Variants in DGKB observed in about 807,000 individuals in gnomAD.
DGKB encodes the protein diacylglycerol kinase beta.
A neutral mutation model predicts 114.3 loss-of-function variants in DGKB; 67 were observed. The ratio of observed to expected loss-of-function variants is 0.59; its 90% CI spans 0.48 to 0.72. The LOEUF (loss-of-function observed/expected upper bound fraction) is 0.72, where lower values mean the gene tolerates loss of function less well. DGKB is among the 30% of genes least tolerant of loss of function. The pLI, the probability that DGKB is intolerant of heterozygous loss-of-function variation, is 0.00. For synonymous variants in DGKB, 398 were observed against 323.1 expected (o/e 1.23, Z -2.49); for missense variants, 907 against 975.2 (o/e 0.93, Z 0.93).
At chr7:14,327,232 A>C (rs1382477671) in intron 23 of DGKB, among the ~76,000 whole-genome samples, 2 of 152,140 alleles carry the variant, frequency 1.3e-5, no homozygotes, top group Non-Finnish European at 2.9e-5. Context: ...CTTTTAAATG[A>C]ACATTTGGAT....
chr7:14,607,575 C>G, intron 16 of DGKB, 67 bp from the exon 17 acceptor site: 1 of 628,630 alleles, frequency 1.6e-6, no homozygotes, highest in South Asian at 2.1e-5. Flanking sequence ...AGTAATGTCT[C>G]TCAGTGTTAT....
chr7:14,819,335 C>T (rs993737462), intron 2 of DGKB, among the ~76,000 whole-genome samples: 3 of 151,972 alleles, frequency 2.0e-5, no homozygotes, highest in Non-Finnish European at 4.4e-5. Context: ...GACTGTAATC[C>T]CAGCACTTTG....
chr7:14,849,797 A>G (rs949303567), intron 1 of DGKB, among the ~76,000 whole-genome samples: 8 of 152,144 alleles, frequency 5.3e-5, no homozygotes, highest in African/African-American at 1.9e-4. Flanking sequence ...ACCACCACTG[A>G]TCAGTCTCAC....
intron 23 of DGKB, among the ~76,000 whole-genome samples, chr7:14,254,433 A>T (rs1349718886): frequency 6.6e-6 from 1 of 152,198 alleles, no homozygotes; most frequent in African/African-American, 2.4e-5. Context: ...GAAGGGTGCT[A>T]TTTAAAATGG....
chr7:14,486,461 TTA>T (rs1239505074), intron 20 of DGKB, among the ~76,000 whole-genome samples: 2 of 151,876 alleles, frequency 1.3e-5, no homozygotes, highest in African/African-American at 4.8e-5. Context: ...AGGGAAAGAG[TTA>T]TATAGAGAAA....
chr7:14,866,256 T>C (rs1165850925), intron 1 of DGKB, among the ~76,000 whole-genome samples: 1 of 152,154 alleles, frequency 6.6e-6, no homozygotes, highest in Non-Finnish European at 1.5e-5. Context: ...GAGCTTACCA[T>C]GAGACACCAT....
chr7:14,798,443 C>T (rs577620865), intron 2 of DGKB, among the ~76,000 whole-genome samples: 2 of 125,884 alleles, frequency 1.6e-5, no homozygotes, highest in Admixed American at 7.9e-5. Flanking sequence ...AAAGTGTCCA[C>T]CACCTGGCCT....
chr7:14,955,607 C>T (rs1786457879), intron 1 of DGKB, among the ~76,000 whole-genome samples: 2 of 151,880 alleles, frequency 1.3e-5, no homozygotes, highest in African/African-American at 4.8e-5. Context: ...GCCTAAAGCT[C>T]CCTGCCCAAC....
Position 14,478,163 on chromosome 7 carries a change from A to G in DGKB, c.1833T>C (p.Ser611=). The change falls in exon 21 of 26, where the codon AGT becomes AGC. Residue 611 remains serine (S), a splice_region_variant and synonymous_variant. Coordinates refer to ENST00000402815, the MANE Select transcript of DGKB (RefSeq NM_001350709.2). Reference sequence around the variant, plus strand: ...TTTCATCTCTTTTGTCACCTTACCTACTGTTGAATTTCTCTGGGTGTTTTT... The same window carrying G: ...TTTCATCTCTTTTGTCACCTTACCTGCTGTTGAATTTCTCTGGGTGTTTTT... The part of the protein sequence containing the change: ...MREKHPEKFN[S]RMKNKFWYFE... The G allele has an allele frequency of 6.3e-7, 1 of 1,595,992 alleles. No homozygotes were observed. Among genetic ancestry groups the G allele is most frequent in the Non-Finnish European group, 8.6e-7 (1 of 1,167,952 alleles).
chr7:14,865,464 T>C (rs1457780615), intron 1 of DGKB, among the ~76,000 whole-genome samples: 1 of 152,222 alleles, frequency 6.6e-6, no homozygotes, highest in Non-Finnish European at 1.5e-5. Context: ...CAATGTGGAC[T>C]AAGCTCCCCC....
intron 21 of DGKB, among the ~76,000 whole-genome samples, chr7:14,423,451 A>G (rs1827028784): frequency 6.6e-6 from 1 of 152,076 alleles, no homozygotes; most frequent in Non-Finnish European, 1.5e-5. Context: ...TTATACTTTT[A>G]GATTTTACAA....
chr7:14,437,406 T>C (rs982785468), intron 21 of DGKB, among the ~76,000 whole-genome samples: 1 of 152,230 alleles, frequency 6.6e-6, no homozygotes, highest in Non-Finnish European at 1.5e-5. Flanking sequence ...TACCAGCTCA[T>C]TGGTTTCTGG....
chr7:14,571,452 G>A (rs1255334261), intron 20 of DGKB, among the ~76,000 whole-genome samples: 2 of 152,332 alleles, frequency 1.3e-5, no homozygotes. Flanking sequence ...CTGAGTTTGT[G>A]AAACTGACTT....
At chr7:14,301,781 C>T (rs1040938175) in intron 23 of DGKB, among the ~76,000 whole-genome samples, 5 of 152,042 alleles carry the variant, frequency 3.3e-5, no homozygotes, top group Middle Eastern at 3.2e-3. Context: ...AGATGGAGAT[C>T]TGGAGAGGTG....
At chr7:14,804,351 T>C (rs1842549409) in intron 2 of DGKB, among the ~76,000 whole-genome samples, 1 of 152,098 alleles carries the variant, frequency 6.6e-6, no homozygotes, top group South Asian at 2.1e-4. Context: ...CCTTATCCTA[T>C]ATATTTTGCA....
chr7:14,422,240 T>C (rs1041147228), intron 21 of DGKB, among the ~76,000 whole-genome samples: 1 of 152,062 alleles, frequency 6.6e-6, no homozygotes, highest in African/African-American at 2.4e-5. Flanking sequence ...ACTTCAGAAT[T>C]TGCCTGCTGG....
chr7:14,467,998 A>T (rs1347339535), intron 21 of DGKB, among the ~76,000 whole-genome samples: 2 of 152,306 alleles, frequency 1.3e-5, no homozygotes, highest in East Asian at 3.9e-4. Flanking sequence ...GATAATTGCC[A>T]CCAAGAATCA....
chr7:14,538,685 G>A (rs531641420), intron 20 of DGKB, among the ~76,000 whole-genome samples: 1 of 152,238 alleles, frequency 6.6e-6, no homozygotes, highest in African/African-American at 2.4e-5. Flanking sequence ...TTAACACCAT[G>A]TTTATTGCAG....
At chr7:14,916,528 G>A (rs543092079) in intron 1 of DGKB, among the ~76,000 whole-genome samples, 176 of 152,110 alleles carry the variant, frequency 1.2e-3, no homozygotes, top group African/African-American at 4.0e-3. Flanking sequence ...CTATTTTAGA[G>A]CAATAAAAAT....
Sources: allele counts gnomAD v4.1 joint callset (sites outside exome capture counted in the v4.1 genomes callset), GRCh38; gene constraint gnomAD v4.1.1; transcripts MANE v1.5; gene names NCBI Gene and HGNC (gene_info 2026-07-23, HGNC 2026-07-21).